The following EXOC6B variants were observed in gnomAD, a reference collection of about 807,000 sequenced individuals.
EXOC6B encodes the protein exocyst complex component 6B, also known as SEC15 homolog B.
In EXOC6B, 54 loss-of-function variants were observed where a neutral mutation model predicts 113.5. The observed-to-expected ratio is 0.48, with a 90% CI of 0.38 to 0.60. EXOC6B has a LOEUF of 0.60. EXOC6B is among the 20% of genes least tolerant of loss of function. The pLI, the probability that EXOC6B is intolerant of heterozygous loss-of-function variation, is 0.00. For missense variants in EXOC6B, 797 were observed against 977.5 expected (o/e 0.82, Z 2.46); for synonymous variants, 357 against 339.0 (o/e 1.05, Z -0.58).
chr2:72,716,723 G>A (rs752969492), intron 6 of EXOC6B, among the ~76,000 whole-genome samples: 25 of 151,912 alleles, frequency 1.6e-4, no homozygotes, highest in African/African-American at 2.4e-4. Context: ...CCCTCCTCTG[G>A]GTCTTAATTT....
chr2:72,709,674 CT>C (rs1210161119), intron 6 of EXOC6B, among the ~76,000 whole-genome samples: 1 of 151,862 alleles, frequency 6.6e-6, no homozygotes, highest in Non-Finnish European at 1.5e-5. Context: ...AATTAAATTT[CT>C]TTTTTTTAAT....
At chr2:72,776,387 C>T (rs113041146) in intron 1 of EXOC6B, among the ~76,000 whole-genome samples, 5,739 of 152,132 alleles carry the variant, frequency 0.038, 336 homozygotes, top group African/African-American at 0.13. Context: ...GAGGCCAAGA[C>T]GGGCATACTG....
At chr2:72,389,786 AT>A (rs1692257905) in intron 18 of EXOC6B, among the ~76,000 whole-genome samples, 1 of 151,974 alleles carries the variant, frequency 6.6e-6, no homozygotes, top group South Asian at 2.1e-4. Flanking sequence ...TGTACTATGT[AT>A]TTTTTCCCTA....
At chr2:72,743,701 T>A (rs1681503499) in intron 1 of EXOC6B, among the ~76,000 whole-genome samples, 1 of 152,190 alleles carries the variant, frequency 6.6e-6, no homozygotes. Context: ...ATTCACTGAG[T>A]AAAGAATGAC....
chr2:72,695,488 G>T (rs143957283), intron 6 of EXOC6B, among the ~76,000 whole-genome samples: 2,287 of 151,032 alleles, frequency 0.015, 74 homozygotes, highest in African/African-American at 0.053. Flanking sequence ...GTTTTTTTTT[G>T]AACAGAGAAA....
chr2:72,216,459 G>A (rs1157926345), intron 20 of EXOC6B, among the ~76,000 whole-genome samples: 1 of 152,232 alleles, frequency 6.6e-6, no homozygotes, highest in Non-Finnish European at 1.5e-5. Context: ...TGGTGGGAAT[G>A]TAAATTAGTT....
intron 20 of EXOC6B, among the ~76,000 whole-genome samples, chr2:72,306,799 A>G (rs955917385): frequency 6.6e-6 from 1 of 152,194 alleles, no homozygotes; most frequent in African/African-American, 2.4e-5. Context: ...TAAAGTTTCC[A>G]TATGCTCTTA....
intron 1 of EXOC6B, among the ~76,000 whole-genome samples, chr2:72,742,550 G>A (rs556520568): frequency 6.6e-6 from 1 of 151,950 alleles, no homozygotes; most frequent in South Asian, 2.1e-4. Context: ...TCACTTCTTT[G>A]CCTTACTAAA....
At chr2:72,179,506 A>T in intron 21 of EXOC6B, 45 bp from the exon 22 acceptor site, 1 of 1,612,142 alleles carries the variant, frequency 6.2e-7, no homozygotes, top group Non-Finnish European at 8.5e-7. Flanking sequence ...TTGAGGAAAC[A>T]ATGGTGGAAG....
chr2:72,546,090 T>C (rs989164636), intron 8 of EXOC6B, among the ~76,000 whole-genome samples: 1 of 152,206 alleles, frequency 6.6e-6, no homozygotes, highest in Non-Finnish European at 1.5e-5. Context: ...AACCATGTTC[T>C]AGGAAGATTA....
At chr2:72,302,885 A>G (rs1686617245) in intron 20 of EXOC6B, among the ~76,000 whole-genome samples, 1 of 151,960 alleles carries the variant, frequency 6.6e-6, no homozygotes, top group Admixed American at 6.6e-5. Flanking sequence ...TTGTTATGCC[A>G]GCTTATTTGT....
chr2:72,621,945 A>C (rs1471058897), intron 6 of EXOC6B, among the ~76,000 whole-genome samples: 1 of 152,162 alleles, frequency 6.6e-6, no homozygotes, highest in Non-Finnish European at 1.5e-5. Context: ...ATGAGGTATT[A>C]CTTGTCAATT....
At chr2:72,654,648 CTTTT>C (rs1202970169) in intron 6 of EXOC6B, among the ~76,000 whole-genome samples, 1 of 152,118 alleles carries the variant, frequency 6.6e-6, no homozygotes, top group Non-Finnish European at 1.5e-5. Context: ...AATGAGGAAT[CTTTT>C]CTTTCTTTTC....
chr2:72,731,106 G>T (rs370993766), intron 4 of EXOC6B, 49 bp downstream of exon 4: 19 of 1,565,314 alleles, frequency 1.2e-5, no homozygotes, highest in Non-Finnish European at 1.6e-5. Context: ...CCTAATTAAA[G>T]CAAAAAAAAA....
intron 8 of EXOC6B, among the ~76,000 whole-genome samples, chr2:72,551,082 AT>A (rs1703195167): frequency 6.6e-6 from 1 of 152,106 alleles, no homozygotes; most frequent in South Asian, 2.1e-4. Context: ...GTAGGTAATT[AT>A]TATCCTATTT....
intron 20 of EXOC6B, among the ~76,000 whole-genome samples, chr2:72,312,164 A>G (rs1258768563): frequency 6.6e-6 from 1 of 152,234 alleles, no homozygotes; most frequent in Non-Finnish European, 1.5e-5. Flanking sequence ...ATAATAGATC[A>G]TTGCTAGAAC....
At chr2:72,510,840 C>A in intron 11 of EXOC6B, among the ~76,000 whole-genome samples, 1 of 151,472 alleles carries the variant, frequency 6.6e-6, no homozygotes, top group East Asian at 1.9e-4. Flanking sequence ...GGTGCACTAC[C>A]ACTACAAAAA....
intron 8 of EXOC6B, among the ~76,000 whole-genome samples, chr2:72,520,032 G>T (rs538252592): frequency 1.3e-5 from 2 of 152,214 alleles, no homozygotes; most frequent in African/African-American, 4.8e-5. Context: ...AGCTTAAAAT[G>T]GAAAATTTTC....
At chr2:72,671,408 G>T (rs548563785) in intron 6 of EXOC6B, among the ~76,000 whole-genome samples, 17 of 152,200 alleles carry the variant, frequency 1.1e-4, no homozygotes, top group South Asian at 2.1e-4. Context: ...TATGAAAAAG[G>T]CTCTGGCTGG....
Sources: allele counts gnomAD v4.1 joint callset (sites outside exome capture counted in the v4.1 genomes callset), GRCh38; gene constraint gnomAD v4.1.1; transcripts MANE v1.5; gene names NCBI Gene and HGNC (gene_info 2026-07-23, HGNC 2026-07-21).